KLHL23: variants seen among roughly 807,000 people sequenced by gnomAD.
KLHL23 encodes kelch like family member 23, also known as kelch-like protein 23.
KLHL23 carries 33 observed loss-of-function variants against 48.9 expected under a neutral mutation model. The observed-to-expected ratio is 0.67, with a 90% CI of 0.51 to 0.90. KLHL23 has a LOEUF of 0.90. KLHL23 is among the 40% of genes least tolerant of loss of function. The pLI, the probability that KLHL23 is intolerant of heterozygous loss-of-function variation, is 0.00. For synonymous variants in KLHL23, 234 were observed against 231.6 expected (o/e 1.01, Z -0.09); for missense variants, 608 against 669.6 (o/e 0.91, Z 1.02).
At chr2:169,736,394 C>T (rs1016332552) in intron 2 of KLHL23, among the ~76,000 whole-genome samples, 167 bp downstream of exon 2, 3 of 152,114 alleles carry the variant, frequency 2.0e-5, no homozygotes, top group Non-Finnish European at 4.4e-5. Flanking sequence ...AGCATAGTTC[C>T]CAACTTGTCT....
Position 169,736,224 on chromosome 2 carries a change from A to G in KLHL23, c.1210A>G (p.Lys404Glu). 5.0e-6 allele frequency: 8 copies of G among 1,603,200 alleles called. No individual in the cohort carries two copies. The highest frequency in any genetic ancestry group is 6.8e-6 in the Non-Finnish European group (8 of 1,175,468). ...EKWIPIANMI[K>E]GVGNATACVL... Reference sequence around the variant, plus strand: ...ATGGATTCCTATTGCAAACATGATTAAAGGTAAGTGGAGATTATGTTTATT... The same window carrying G: ...ATGGATTCCTATTGCAAACATGATTGAAGGTAAGTGGAGATTATGTTTATT... Residue 404 changes from lysine (K) to glutamate (E), a missense_variant, in exon 2 of 4, where the codon AAA becomes GAA. Physicochemically the swap from Lys to Glu is moderately conservative, Grantham distance 56. Coordinates refer to ENST00000392647, the MANE Select transcript of KLHL23 (RefSeq NM_144711.6).
chr2:169,749,783 T>C lies in KLHL23; in HGVS notation c.*51T>C, dbSNP rs768107430. 14 of 1,522,036 alleles carry C rather than the reference T, an allele frequency of 9.2e-6. No individual in the cohort carries two copies. Among genetic ancestry groups the C allele is most frequent in the South Asian group, 1.3e-5 (1 of 75,852 alleles). The allele number at this position is 1,522,036 out of a possible 1,614,324, so 94.3% of individuals were successfully genotyped here. On this transcript the variant is annotated 3_prime_UTR_variant, in exon 4 of 4. Transcript: ENST00000392647. ...ATCACTTTTTTGGAGTATAGTTTTA[T>C]AAAAAAAGAATGCAGGGTTTGAAGT... is the stretch of plus-strand genomic sequence containing the variant.
chr2:169,741,552 G>A lies in KLHL23; in HGVS notation c.1366+15G>A, dbSNP rs1298278245. Reference sequence around the variant, plus strand: ...TCCACATCCAGGTAACAAAAATACTGTCTCAAATAGTGTATGTTGTGATGT... The same window carrying A: ...TCCACATCCAGGTAACAAAAATACTATCTCAAATAGTGTATGTTGTGATGT... On this transcript the variant is annotated intron_variant, in intron 3 of 3. Coordinates refer to ENST00000392647, the MANE Select transcript of KLHL23 (RefSeq NM_144711.6). 6.2e-7 allele frequency: 1 copy of A among 1,607,052 alleles called. No homozygotes were observed. The highest frequency in any genetic ancestry group is 8.5e-7 in the Non-Finnish European group (1 of 1,175,564).
At chr2:169,743,684 G>A (rs1010806930) in intron 3 of KLHL23, among the ~76,000 whole-genome samples, 27 of 152,312 alleles carry the variant, frequency 1.8e-4, no homozygotes, top group East Asian at 1.4e-3. Flanking sequence ...GGAGCCAGGG[G>A]GTAGCTGTTC....
At chr2:169,740,766 T>TTTTATATATATATA (rs1553477016) in intron 2 of KLHL23, among the ~76,000 whole-genome samples, 50 of 125,498 alleles carry the variant, frequency 4.0e-4, no homozygotes, top group Middle Eastern at 3.9e-3. Flanking sequence ...CTTTTTTATA[T>TTTTATATATATATA]TATATATATA....
chr2:169,735,365 AC>A lies in KLHL23; in HGVS notation c.352del (p.Gln118SerfsTer5). Reference sequence around the variant, plus strand: ...GCCTGCTTGAGGCAGCGGATCTGCTACAGTTCCTTTCAGTAAAGAAGGCTTG... The same window carrying A: ...GCCTGCTTGAGGCAGCGGATCTGCTAAGTTCCTTTCAGTAAAGAAGGCTTG... ...QSLLEAADLL[Q>X]FLSVKKACER... On this transcript the variant is annotated frameshift_variant, in exon 2 of 4. Coordinates refer to ENST00000392647, the MANE Select transcript of KLHL23 (RefSeq NM_144711.6). LOFTEE classifies it high-confidence loss of function. This position sits in a 1 kb window ranked among gnomAD's most constrained non-coding sequence, Gnocchi z 4.5. 1 of 1,612,958 alleles carries A rather than the reference AC, an allele frequency of 6.2e-7. No homozygotes were observed. The highest frequency in any genetic ancestry group is 8.5e-7 in the Non-Finnish European group (1 of 1,179,786).
At chr2:169,749,022 G>A (rs1424597862) in intron 3 of KLHL23, among the ~76,000 whole-genome samples, 1 of 152,198 alleles carries the variant, frequency 6.6e-6, no homozygotes. Flanking sequence ...GGAGACAGCT[G>A]CCAAGACCTG....
intron 3 of KLHL23, among the ~76,000 whole-genome samples, 181 bp downstream of exon 3, chr2:169,741,718 T>C (rs1040628374): frequency 6.6e-6 from 1 of 152,212 alleles, no homozygotes; most frequent in African/African-American, 2.4e-5. Context: ...GAGATTCTGA[T>C]TGGGTCACAT....
At position 169,749,998 on chromosome 2, in the gene KLHL23, T is replaced by TATGTGTATATATACGTATGTATGTATAC. The variant is rs1688915721; in HGVS notation, c.*268_*269insGTGTATATATACGTATGTATGTATACAT. The stretch of plus-strand genomic sequence containing the variant: ...ATGTGTATATATACGTATGTATACA[T>TATGTGTATATATACGTATGTATGTATAC]ATATGTGTATATATACGTATGTATG... On this transcript the variant is annotated 3_prime_UTR_variant, in exon 4 of 4. Transcript: ENST00000392647. 2 of 177,012 alleles carry TATGTGTATATATACGTATGTATGTATAC rather than the reference T, an allele frequency of 1.1e-5. No homozygotes were observed. The highest frequency in any genetic ancestry group is 2.5e-5 in the African/African-American group (1 of 40,108). 11.0% of individuals were successfully genotyped at this position (177,012 alleles called of 1,614,324 possible).
At chr2:169,741,945 C>G (rs971988371) in intron 3 of KLHL23, among the ~76,000 whole-genome samples, 27 of 152,188 alleles carry the variant, frequency 1.8e-4, no homozygotes, top group Admixed American at 1.0e-3. Context: ...GAAATTGTTT[C>G]CTGTTTTAGA....
chr2:169,739,536 T>G (rs1008197333), intron 2 of KLHL23, among the ~76,000 whole-genome samples: 8 of 152,208 alleles, frequency 5.3e-5, no homozygotes, highest in African/African-American at 1.9e-4. Flanking sequence ...CTGTCTAGAA[T>G]GGCCTCCTCT....
chr2:169,746,327 A>G (rs1394411549), intron 3 of KLHL23, among the ~76,000 whole-genome samples: 1 of 152,236 alleles, frequency 6.6e-6, no homozygotes, highest in Non-Finnish European at 1.5e-5. Flanking sequence ...ATCAATTCAA[A>G]TGGATATTGT....
intron 3 of KLHL23, among the ~76,000 whole-genome samples, chr2:169,748,900 G>A (rs1366690973): frequency 6.6e-6 from 1 of 151,864 alleles, no homozygotes; most frequent in African/African-American, 2.4e-5. Context: ...GTCTGGGTAC[G>A]TTTCTTTAGC....
intron 2 of KLHL23, among the ~76,000 whole-genome samples, chr2:169,737,050 G>A (rs1228480734): frequency 2.0e-5 from 3 of 152,166 alleles, no homozygotes; most frequent in Non-Finnish European, 2.9e-5. Flanking sequence ...GATCAGGCAC[G>A]CTGCCTCTGA....
intron 3 of KLHL23, among the ~76,000 whole-genome samples, chr2:169,748,580 A>T (rs1183167548): frequency 1.3e-5 from 2 of 152,194 alleles, no homozygotes; most frequent in African/African-American, 4.8e-5. Context: ...CATGCAGTGC[A>T]AATGACTCAC....
chr2:169,745,232 G>A (rs1402586416), intron 3 of KLHL23, among the ~76,000 whole-genome samples: 1 of 152,108 alleles, frequency 6.6e-6, no homozygotes, highest in African/African-American at 2.4e-5. Context: ...AGAACTCTTG[G>A]CTGGGCGCGG....
intron 1 of KLHL23, 133 bp from the exon 2 acceptor site, chr2:169,734,880 T>C: frequency 8.2e-7 from 1 of 1,213,500 alleles, no homozygotes; most frequent in Non-Finnish European, 1.1e-6. Flanking sequence ...ATCCACATTT[T>C]GCATTTATTA....
intron 2 of KLHL23, among the ~76,000 whole-genome samples, chr2:169,740,765 A>ATT (rs367566807): frequency 0.012 from 1,102 of 95,244 alleles, 31 homozygotes; most frequent in African/African-American, 0.049. Flanking sequence ...GCTTTTTTAT[A>ATT]TTATATATAT....
intron 3 of KLHL23, among the ~76,000 whole-genome samples, chr2:169,747,403 A>C (rs1240426377): frequency 6.6e-6 from 1 of 150,498 alleles, no homozygotes; most frequent in Non-Finnish European, 1.5e-5. Flanking sequence ...AAAAAAAAAA[A>C]AAAAACTGAG....
Sources: gnomAD v4.1 joint callset for allele counts (sites outside exome capture counted in the v4.1 genomes callset) on GRCh38, gnomAD v4.1.1 for gene constraint, Gnocchi (gnomAD v3.1) non-coding constraint, MANE v1.5 for transcripts, NCBI Gene and HGNC (gene_info 2026-07-23, HGNC 2026-07-21) for gene names.